Variants in CNTNAP2 observed in about 807,000 individuals in gnomAD.
CNTNAP2 encodes the protein contactin associated protein 2, also known as contactin-associated protein-like 2.
CNTNAP2 carries 98 observed loss-of-function variants against 155.2 expected under a neutral mutation model. The ratio of observed to expected loss-of-function variants is 0.63; its 90% CI spans 0.54 to 0.75. CNTNAP2 has a LOEUF of 0.75. CNTNAP2 is among the 30% of genes least tolerant of loss of function. The pLI, the probability that CNTNAP2 is intolerant of heterozygous loss-of-function variation, is 0.00. For missense variants in CNTNAP2, 1,727 were observed against 1,688.1 expected (o/e 1.02, Z -0.40); for synonymous variants, 651 against 631.2 (o/e 1.03, Z -0.47).
At chr7:147,916,168 C>G (rs1419349412) in intron 14 of CNTNAP2, among the ~76,000 whole-genome samples, 1 of 152,140 alleles carries the variant, frequency 6.6e-6, no homozygotes, top group Non-Finnish European at 1.5e-5. Flanking sequence ...TTCTGCAGCC[C>G]TGTGAGTGAA....
At chr7:147,995,856 C>T (rs1315515073) in intron 15 of CNTNAP2, among the ~76,000 whole-genome samples, 1 of 152,212 alleles carries the variant, frequency 6.6e-6, no homozygotes, top group African/African-American at 2.4e-5. Context: ...AAAGACTGTG[C>T]TCTTTTCCCT....
chr7:146,521,346 T>A (rs1797614079), intron 1 of CNTNAP2, among the ~76,000 whole-genome samples: 1 of 151,956 alleles, frequency 6.6e-6, no homozygotes, highest in Non-Finnish European at 1.5e-5. Flanking sequence ...CTGCAGGATA[T>A]AGTTTGCTGA....
intron 4 of CNTNAP2, among the ~76,000 whole-genome samples, chr7:147,070,252 C>T (rs368144189): frequency 2.4e-4 from 36 of 152,186 alleles, no homozygotes; most frequent in African/African-American, 8.2e-4. Flanking sequence ...TCTCTTTTCA[C>T]GTGGAATCTT....
chr7:146,937,561 T>C (rs1365844089), intron 3 of CNTNAP2, among the ~76,000 whole-genome samples: 1 of 152,098 alleles, frequency 6.6e-6, no homozygotes, highest in Non-Finnish European at 1.5e-5. Context: ...GGCACTTGCC[T>C]GAAATTATGT....
chr7:146,178,158 T>C lies in CNTNAP2; in HGVS notation c.97+61185T>C, dbSNP rs774332194. Among the ~76,000 whole-genome samples, 19 of 152,080 alleles carry C rather than the reference T, an allele frequency of 1.2e-4. 1 individual carries two copies. The highest frequency in any genetic ancestry group is 2.4e-4 in the Non-Finnish European group (16 of 67,988). On this transcript the variant is annotated intron_variant, in intron 1 of 23. Coordinates refer to ENST00000361727, the MANE Select transcript of CNTNAP2 (RefSeq NM_014141.6). The stretch of plus-strand genomic sequence containing the variant: ...TCGCCATTCTCCTGCCTCAGCCTCC[T>C]GAGTAGCTGGGACTACAGGCACCTG...
intron 21 of CNTNAP2, among the ~76,000 whole-genome samples, chr7:148,307,969 T>C (rs1797518836): frequency 1.3e-5 from 2 of 152,040 alleles, no homozygotes; most frequent in Admixed American, 6.6e-5. Context: ...TGAGACCCTG[T>C]CTCAAAAAAA....
chr7:148,263,524 G>C (rs1227596664), intron 20 of CNTNAP2, among the ~76,000 whole-genome samples: 1 of 152,052 alleles, frequency 6.6e-6, no homozygotes, highest in East Asian at 1.9e-4. Context: ...GGAACACAAG[G>C]TCAAGAGTTC....
At chr7:147,057,447 A>G (rs1799583465) in intron 4 of CNTNAP2, among the ~76,000 whole-genome samples, 3 of 152,080 alleles carry the variant, frequency 2.0e-5, no homozygotes, top group Admixed American at 1.3e-4. Flanking sequence ...AACAAATTAG[A>G]TTTTCAACTT....
intron 12 of CNTNAP2, among the ~76,000 whole-genome samples, chr7:147,565,890 T>A (rs1381074307): frequency 6.6e-6 from 1 of 152,104 alleles, no homozygotes; most frequent in Non-Finnish European, 1.5e-5. Flanking sequence ...GTTAGAGATA[T>A]AAATGTGCCA....
In CNTNAP2 at chr7:147,390,900, T is replaced by C. The variant is rs549780799; in HGVS notation, c.1499-4709T>C. The stretch of plus-strand genomic sequence containing the variant: ...ACCCTACAGCCCACAGAGATACATA[T>C]CTTTTTCCACACACGAAGTACACCC... On this transcript the variant is annotated intron_variant, in intron 9 of 23. Transcript: ENST00000361727. Among the ~76,000 whole-genome samples, 11 of 152,186 alleles carry C rather than the reference T, an allele frequency of 7.2e-5. No homozygotes were observed. In the South Asian group the frequency reaches 2.3e-3, roughly 32 times the overall value.
intron 13 of CNTNAP2, among the ~76,000 whole-genome samples, chr7:147,744,690 G>A (rs527527722): frequency 5.9e-5 from 9 of 152,284 alleles, no homozygotes; most frequent in African/African-American, 1.9e-4. Flanking sequence ...TCTGGTGAGG[G>A]CTCTCTTCCT....
intron 1 of CNTNAP2, among the ~76,000 whole-genome samples, chr7:146,488,116 A>AT (rs1797083551): frequency 6.6e-6 from 1 of 151,996 alleles, no homozygotes; most frequent in Non-Finnish European, 1.5e-5. Context: ...CATACCTTGA[A>AT]TTTTTTCCGT....
intron 9 of CNTNAP2, among the ~76,000 whole-genome samples, chr7:147,317,776 ATGTG>A (rs1179574989): frequency 4.5e-5 from 6 of 134,242 alleles, no homozygotes; most frequent in Admixed American, 7.2e-5. Context: ...ATATATATAT[ATGTG>A]TGTGTGTGTG....
intron 1 of CNTNAP2, chr7:146,117,250 A>G (rs1584757312): frequency 1.5e-5 from 7 of 462,562 alleles, no homozygotes; most frequent in Non-Finnish European, 2.8e-5. Context: ...ACTGATGTAG[A>G]TGGCAGCTTC....
At chr7:147,084,047 GC>G (rs1450882706) in intron 4 of CNTNAP2, among the ~76,000 whole-genome samples, 6 of 120,292 alleles carry the variant, frequency 5.0e-5, no homozygotes, top group Admixed American at 2.0e-4. Flanking sequence ...TATGCATAAT[GC>G]TATATATGTA....
intron 13 of CNTNAP2, among the ~76,000 whole-genome samples, chr7:147,831,372 C>T (rs1231175151): frequency 6.6e-6 from 1 of 152,122 alleles, no homozygotes; most frequent in South Asian, 2.1e-4. Flanking sequence ...CAGAAATGAA[C>T]AGAACAGAAC....
chr7:146,739,772 A>G (rs1369228330), intron 1 of CNTNAP2, among the ~76,000 whole-genome samples: 1 of 151,966 alleles, frequency 6.6e-6, no homozygotes, highest in African/African-American at 2.4e-5. Flanking sequence ...ATTGCAGTCT[A>G]TATCTCTTTT....
intron 15 of CNTNAP2, among the ~76,000 whole-genome samples, chr7:148,009,462 A>T (rs969653874): frequency 6.6e-6 from 1 of 152,198 alleles, no homozygotes; most frequent in Non-Finnish European, 1.5e-5. Context: ...AAACTTGAAC[A>T]CTATACATAT....
At chr7:146,875,084 C>G (rs1795392632) in intron 3 of CNTNAP2, among the ~76,000 whole-genome samples, 1 of 152,030 alleles carries the variant, frequency 6.6e-6, no homozygotes, top group African/African-American at 2.4e-5. Context: ...TAGCGAATAA[C>G]TAAGAATATA....
Sources: allele counts gnomAD v4.1 joint callset (sites outside exome capture counted in the v4.1 genomes callset), GRCh38; gene constraint gnomAD v4.1.1; transcripts MANE v1.5; gene names NCBI Gene and HGNC (gene_info 2026-07-23, HGNC 2026-07-21).